Variants in SOX6 observed in about 807,000 individuals in gnomAD.
The protein encoded by SOX6 is transcription factor SOX-6.
SOX6 carries 11 observed loss-of-function variants against 97.8 expected under a neutral mutation model. The observed-to-expected ratio is 0.11, with a 90% CI of 0.07 to 0.19. SOX6 has a LOEUF of 0.19. SOX6 is among the 10% of genes least tolerant of loss of function. SOX6 has a pLI of 1.00. For missense variants in SOX6, 810 were observed against 1,039.5 expected, an observed-to-expected ratio of 0.78 and a Z score of 3.04; for synonymous variants, 360 against 371.4, an observed-to-expected ratio of 0.97 and a Z score of 0.35.
intron 15 of SOX6, among the ~76,000 whole-genome samples, chr11:15,979,795 G>A (rs1837372170): frequency 6.6e-6 from 1 of 151,922 alleles, no homozygotes; most frequent in African/African-American, 2.4e-5. Flanking sequence ...TTCTCAGTGA[G>A]GTTTTCCATG....
intron 4 of SOX6, among the ~76,000 whole-genome samples, chr11:16,557,382 C>T (rs960956927): frequency 6.6e-6 from 1 of 151,836 alleles, no homozygotes; most frequent in African/African-American, 2.4e-5. Flanking sequence ...ATGTACTCCA[C>T]ATTAAATGGA....
chr11:16,288,140 C>G (rs1854806333), intron 3 of SOX6, among the ~76,000 whole-genome samples: 1 of 152,014 alleles, frequency 6.6e-6, no homozygotes, highest in Non-Finnish European at 1.5e-5. Flanking sequence ...GGCAGGAGTA[C>G]AGTGTGAATT....
chr11:16,594,684 C>CTGTT (rs1848191108), intron 4 of SOX6, among the ~76,000 whole-genome samples: 1 of 68,266 alleles, frequency 1.5e-5, no homozygotes, highest in Non-Finnish European at 2.4e-5. Flanking sequence ...TCGGTTTTTG[C>CTGTT]TTTTTTTTTT....
intron 6 of SOX6, among the ~76,000 whole-genome samples, chr11:16,138,998 T>A (rs1033035387): frequency 6.6e-6 from 1 of 152,208 alleles, no homozygotes; most frequent in Non-Finnish European, 1.5e-5. Flanking sequence ...AGTTATTTTG[T>A]AGACTGTACC....
chr11:16,047,026 T>C (rs1855855082), intron 11 of SOX6, among the ~76,000 whole-genome samples: 1 of 152,124 alleles, frequency 6.6e-6, no homozygotes, highest in Non-Finnish European at 1.5e-5. Flanking sequence ...GTACAACTGG[T>C]GCACAATGTT....
Position 16,097,675 on chromosome 11 carries a change from G to T in SOX6, c.912C>A (p.Pro304=). The T allele has an allele frequency of 6.2e-7, 1 of 1,610,900 alleles. No individual in the cohort carries two copies. Among genetic ancestry groups the T allele is most frequent in the Non-Finnish European group, 8.5e-7 (1 of 1,177,812 alleles). ...GITYKPGDNY[P]VQFIPSTMAA... ...CCATTGTTGATGGAATGAACTGTAC[G>T]GGGTAGTTATCACCTGTCGGAAAGA... The change falls in exon 8 of 16, where the codon CCC becomes CCA. Residue 304 remains proline (P), a synonymous_variant. Coordinates refer to ENST00000683767, the MANE Select transcript of SOX6 (RefSeq NM_001367873.1).
At chr11:16,725,919 G>C (rs139365381) in intron 2 of SOX6, among the ~76,000 whole-genome samples, 17 of 152,244 alleles carry the variant, frequency 1.1e-4, no homozygotes, top group African/African-American at 2.2e-4. Flanking sequence ...TTTGAAACAT[G>C]AATGTTAAAT....
At chr11:16,500,985 A>T (rs1407285986) in intron 4 of SOX6, among the ~76,000 whole-genome samples, 1 of 152,238 alleles carries the variant, frequency 6.6e-6, no homozygotes, top group Non-Finnish European at 1.5e-5. Flanking sequence ...GAACCAAAAA[A>T]GAGCCCACAT....
intron 3 of SOX6, among the ~76,000 whole-genome samples, chr11:16,249,789 A>T (rs904391091): frequency 2.0e-5 from 3 of 152,190 alleles, no homozygotes; most frequent in Admixed American, 6.5e-5. Flanking sequence ...ACTGCAGTCT[A>T]GTGCTAACTA....
intron 3 of SOX6, among the ~76,000 whole-genome samples, chr11:16,662,021 G>A (rs148223237): frequency 1.1e-4 from 17 of 152,126 alleles, no homozygotes; most frequent in African/African-American, 2.7e-4. Flanking sequence ...TTGCTATTAC[G>A]TTAAATGAAT....
chr11:16,246,283 A>C (rs530171189), intron 3 of SOX6, among the ~76,000 whole-genome samples: 2 of 151,848 alleles, frequency 1.3e-5, no homozygotes, highest in South Asian at 4.2e-4. Context: ...TCATATTTTA[A>C]GTAAATTAAT....
intron 4 of SOX6, among the ~76,000 whole-genome samples, chr11:16,587,116 C>G (rs1048441621): frequency 3.4e-4 from 51 of 152,150 alleles, no homozygotes; most frequent in African/African-American, 1.2e-3. Context: ...CCCTATTATC[C>G]AAGCTCCTTA....
At chr11:16,293,163 T>C (rs1311837839) in intron 3 of SOX6, among the ~76,000 whole-genome samples, 2 of 152,166 alleles carry the variant, frequency 1.3e-5, no homozygotes, top group Non-Finnish European at 2.9e-5. Context: ...GCAAAAATAT[T>C]TTAAAGCAGT....
At chr11:16,381,090 A>G (rs1857802491) in intron 1 of SOX6, among the ~76,000 whole-genome samples, 1 of 152,112 alleles carries the variant, frequency 6.6e-6, no homozygotes, top group African/African-American at 2.4e-5. Flanking sequence ...AAGCTAACAT[A>G]AACCCTACAA....
At position 16,256,847 on chromosome 11, in the gene SOX6, T is replaced by C. The variant is rs368150280; in HGVS notation, c.446-22176A>G. Among the ~76,000 whole-genome samples, 8 of 151,918 alleles carry C rather than the reference T, an allele frequency of 5.3e-5. No homozygotes were observed. The East Asian group carries it at 7.7e-4, about 15-fold the overall frequency. ...TTGACAAAAATTCCTGGAACCAGTA[T>C]GTAATTATAGCGAGGTTGCAAAATA... On this transcript the variant is annotated intron_variant, in intron 3 of 15. Transcript: ENST00000683767.
At chr11:16,030,460 C>T (rs1855338696) in intron 12 of SOX6, among the ~76,000 whole-genome samples, 1 of 152,154 alleles carries the variant, frequency 6.6e-6, no homozygotes, top group South Asian at 2.1e-4. Context: ...AACTTTACTT[C>T]TCTTTAGTAT....
chr11:16,673,583 A>G (rs1046018318), intron 3 of SOX6, among the ~76,000 whole-genome samples: 4 of 152,188 alleles, frequency 2.6e-5, no homozygotes, highest in African/African-American at 9.6e-5. Context: ...GACTAATAAC[A>G]AGTAATGGGC....
chr11:15,988,824 G>A (rs924653683), intron 14 of SOX6, among the ~76,000 whole-genome samples, 173 bp downstream of exon 14: 3 of 152,222 alleles, frequency 2.0e-5, no homozygotes, highest in Non-Finnish European at 1.5e-5. Flanking sequence ...ATTATGGGGT[G>A]GGGGAGGCAG....
At chr11:16,412,111 T>C (rs1858832420) in intron 1 of SOX6, among the ~76,000 whole-genome samples, 1 of 152,228 alleles carries the variant, frequency 6.6e-6, no homozygotes, top group African/African-American at 2.4e-5. Context: ...ATAGAAATTC[T>C]ATAAATTTAT....
Sources: gnomAD v4.1 joint callset for allele counts (sites outside exome capture counted in the v4.1 genomes callset) on GRCh38, gnomAD v4.1.1 for gene constraint, MANE v1.5 for transcripts, NCBI Gene and HGNC (gene_info 2026-07-23, HGNC 2026-07-21) for gene names.